Variants in PDXDC1 observed in about 807,000 individuals in gnomAD.
PDXDC1 encodes the protein pyridoxal dependent decarboxylase domain containing 1.
A neutral mutation model predicts 100.1 loss-of-function variants in PDXDC1; 42 were observed. The observed-to-expected ratio is 0.42, with a 90% CI of 0.33 to 0.54. The LOEUF is 0.54. Among genes scored for constraint, PDXDC1 ranks in the 20% least tolerant of loss-of-function variants. The probability of loss-of-function intolerance (pLI) is 0.10; values close to 1 mark genes in which losing one functional copy is unlikely to be tolerated. For synonymous variants in PDXDC1, 260 were observed against 371.7 expected (o/e 0.70, Z 3.46); for missense variants, 636 against 979.2 (o/e 0.65, Z 4.68).
At chr16:15,015,934 T>G in intron 8 of PDXDC1, 195 bp from the exon 9 acceptor site, 1 of 1,250,174 alleles carries the variant, frequency 8.0e-7, no homozygotes. Flanking sequence ...TAATAGAGAT[T>G]ACATACTCTT....
At chr16:15,024,621 C>T (rs1213253127) in intron 13 of PDXDC1, among the ~76,000 whole-genome samples, 1 of 152,274 alleles carries the variant, frequency 6.6e-6, no homozygotes, top group East Asian at 1.9e-4. Context: ...CCATGTTGGC[C>T]AGGCTGGTCT....
At position 15,018,889 on chromosome 16, in the gene PDXDC1, C is replaced by G. The variant is rs1487704035; in HGVS notation, c.1013C>G (p.Ala338Gly). 1 of 1,613,844 alleles carries G rather than the reference C, an allele frequency of 6.2e-7. No individual in the cohort carries two copies. The highest frequency in any genetic ancestry group is 1.3e-5 in the African/African-American group (1 of 74,940). Reference protein sequence around the residue: ...TSNKPTDKLRALPLWLSLQYL... With the variant: ...TSNKPTDKLRGLPLWLSLQYL... ...AATAAGCCCACAGACAAACTCCGTG[C>G]CCTGCCTCTGTGGTTATCTTTACAA... is the stretch of plus-strand genomic sequence containing the variant. Residue 338 changes from alanine (A) to glycine (G), a missense_variant, in exon 12 of 23, where the codon GCC (alanine) becomes GGC (glycine). Transcript: ENST00000396410.
At chr16:15,076,972 C>T (rs1302370265) in intron 16 of PDXDC1, among the ~76,000 whole-genome samples, 1 of 139,302 alleles carries the variant, frequency 7.2e-6, no homozygotes, top group Non-Finnish European at 1.6e-5. Context: ...GTGTCCCCAC[C>T]CAAATCACTT....
chr16:15,122,974 A>C (rs2047512279), intron 16 of PDXDC1, among the ~76,000 whole-genome samples: 1 of 150,854 alleles, frequency 6.6e-6, no homozygotes, highest in African/African-American at 2.4e-5. Context: ...TTAAGTTCTC[A>C]AGCGCTGGTG....
At chr16:15,079,997 C>T in intron 16 of PDXDC1, 1 of 1,591,038 alleles carries the variant, frequency 6.3e-7, no homozygotes, top group Non-Finnish European at 8.6e-7. Flanking sequence ...TCAATACTTA[C>T]ATCCAACTTG....
intron 16 of PDXDC1, among the ~76,000 whole-genome samples, chr16:15,068,894 T>G (rs894056919): frequency 1.3e-5 from 2 of 152,192 alleles, no homozygotes; most frequent in African/African-American, 2.4e-5. Flanking sequence ...TGTACTTAAG[T>G]ATATTTTCTT....
the PDXDC1 span, among the ~76,000 whole-genome samples, chr16:15,149,011 G>A: frequency 2.0e-5 from 3 of 152,194 alleles, no homozygotes; most frequent in Admixed American, 2.0e-4. Flanking sequence ...CCCGAGTGCG[G>A]GAGCCACGTA....
chr16:15,055,325 G>A (rs920873811), intron 16 of PDXDC1, among the ~76,000 whole-genome samples: 1 of 152,212 alleles, frequency 6.6e-6, no homozygotes, highest in Non-Finnish European at 1.5e-5. Context: ...TGGCCCAGCT[G>A]CGGAAAGCAG....
chr16:15,140,220 G>C (rs993835083), downstream of PDXDC1, among the ~76,000 whole-genome samples: 3 of 151,188 alleles, frequency 2.0e-5, no homozygotes, highest in Non-Finnish European at 4.4e-5. Flanking sequence ...TGAGGCGGGC[G>C]GATCACCTGA....
At chr16:15,039,774 G>T (rs1335086244), downstream of PDXDC1, among the ~76,000 whole-genome samples, 1 of 152,204 alleles carries the variant, frequency 6.6e-6, no homozygotes, top group Non-Finnish European at 1.5e-5. Flanking sequence ...AACTGGAGCT[G>T]ATGACCTAAA....
At chr16:15,103,573 G>A (rs1348938969) in intron 16 of PDXDC1, among the ~76,000 whole-genome samples, 56 of 150,802 alleles carry the variant, frequency 3.7e-4, no homozygotes, top group African/African-American at 7.8e-4. Context: ...ATGTGATCTC[G>A]GCTCACTACA....
the PDXDC1 span, among the ~76,000 whole-genome samples, chr16:15,148,248 C>T: frequency 7.2e-5 from 11 of 151,904 alleles, no homozygotes; most frequent in African/African-American, 2.4e-4. Flanking sequence ...TGAGGCACCG[C>T]GCCCGGCTGG....
rs1349496213 is a variant in PDXDC1 at position 15,007,345 on chromosome 16, G to A, written c.579+762G>A. On this transcript the variant is annotated intron_variant, in intron 6 of 22. Transcript: ENST00000396410. ...GCCACCACGCCCAGATAATTTTTTT[G>A]TATTTTTTTTAGTAGAGATGGGGTT... Among the ~76,000 whole-genome samples the A allele has an allele frequency of 2.6e-5, 4 of 152,244 alleles. No individual in the cohort carries two copies. In the East Asian group the frequency reaches 7.7e-4, roughly 29 times the overall value.
chr16:14,984,495 A>ATATATATTTTT (rs1555542734), intron 1 of PDXDC1, among the ~76,000 whole-genome samples: 1 of 73,498 alleles, frequency 1.4e-5, no homozygotes, highest in African/African-American at 5.0e-5. Context: ...ATATATATAT[A>ATATATATTTTT]TTTTTTTTTT....
chr16:15,038,335 T>A, downstream of PDXDC1: 36 of 641,058 alleles, frequency 5.6e-5, no homozygotes, highest in Non-Finnish European at 9.1e-5. Context: ...AGAAATGAGG[T>A]GGCCTGAATT....
At chr16:15,147,681 C>A in the PDXDC1 span, among the ~76,000 whole-genome samples, 2 of 152,140 alleles carry the variant, frequency 1.3e-5, no homozygotes, top group Non-Finnish European at 2.9e-5. Context: ...CATGCGCCAC[C>A]ATGCTCAGCA....
intron 16 of PDXDC1, among the ~76,000 whole-genome samples, chr16:15,050,034 G>T (rs1040756628): frequency 2.0e-5 from 3 of 152,158 alleles, no homozygotes; most frequent in African/African-American, 4.8e-5. Context: ...TCCTGTTGCT[G>T]TTGTCCTCTC....
intron 12 of PDXDC1, among the ~76,000 whole-genome samples, chr16:15,019,406 A>G (rs566291428): frequency 2.6e-5 from 4 of 152,298 alleles, no homozygotes; most frequent in East Asian, 1.9e-4. Flanking sequence ...CTTGGGGACA[A>G]TTCTAATTCT....
rs2048333459 is a variant in PDXDC1, at chr16:15,136,022, C to A, written c.1400-2857C>A. ...TGCTCGGCTGTGGCTGGGTGTGGCT[C>A]CCCGGGCAGCCAGTTCTGGCAGCTC... On this transcript the variant is annotated intron_variant, in intron 16 of 16. Transcript: ENST00000535621. 3.3e-6 allele frequency: 5 copies of A among 1,535,826 alleles called. No homozygotes were observed. In the East Asian group the frequency reaches 6.9e-5, roughly 21 times the overall value.
Sources: allele counts gnomAD v4.1 joint callset (sites outside exome capture counted in the v4.1 genomes callset), GRCh38; gene constraint gnomAD v4.1.1; transcripts MANE v1.5; gene names NCBI Gene and HGNC (gene_info 2026-07-23, HGNC 2026-07-21).